Variants in PTPRK observed in about 807,000 individuals in gnomAD.
PTPRK encodes the protein receptor-type tyrosine-protein phosphatase kappa.
Under a neutral mutation model 178.0 loss-of-function variants are expected in PTPRK, and 75 were observed. The ratio of observed to expected loss-of-function variants is 0.42; its 90% CI spans 0.35 to 0.51. The LOEUF is 0.51. Among genes scored for constraint, PTPRK ranks in the 20% least tolerant of loss-of-function variants. The probability of loss-of-function intolerance (pLI) is 0.02; values close to 1 mark genes in which losing one functional copy is unlikely to be tolerated. For missense variants in PTPRK, 1,441 were observed against 1,797.8 expected (o/e 0.80, Z 3.59); for synonymous variants, 637 against 620.6 (o/e 1.03, Z -0.39).
At chr6:128,341,196 G>A (rs1831611935) in intron 2 of PTPRK, among the ~76,000 whole-genome samples, 1 of 151,992 alleles carries the variant, frequency 6.6e-6, no homozygotes, top group Non-Finnish European at 1.5e-5. Context: ...CTTAGCAGAT[G>A]TAACATAAAC....
chr6:128,003,342 T>C, intron 15 of PTPRK: 1 of 1,091,504 alleles, frequency 9.2e-7, no homozygotes, highest in Admixed American at 2.2e-5. Flanking sequence ...ATTATTAAAC[T>C]TTCTCAGATT....
At chr6:128,031,760 T>C (rs1775374813) in intron 13 of PTPRK, among the ~76,000 whole-genome samples, 1 of 152,188 alleles carries the variant, frequency 6.6e-6, no homozygotes, top group African/African-American at 2.4e-5. Flanking sequence ...AATTTGTAGA[T>C]CTTGAACTAA....
chr6:128,278,157 TTA>T (rs1821063359), intron 3 of PTPRK, among the ~76,000 whole-genome samples: 1 of 150,514 alleles, frequency 6.6e-6, no homozygotes, highest in Admixed American at 6.6e-5. Context: ...ATTTATTTAT[TTA>T]TTTATTTATT....
At chr6:128,105,664 A>G (rs1789604982) in intron 7 of PTPRK, among the ~76,000 whole-genome samples, 1 of 152,218 alleles carries the variant, frequency 6.6e-6, no homozygotes, top group African/African-American at 2.4e-5. Flanking sequence ...TGATATTCCC[A>G]TTTAAAAATC....
intron 4 of PTPRK, chr6:128,241,235 G>A (rs1394027218): frequency 1.9e-6 from 1 of 533,312 alleles, no homozygotes; most frequent in Admixed American, 1.9e-5. Context: ...CTCAGGAAGA[G>A]ATTTAAAATA....
At chr6:128,224,967 T>G (rs116587007) in intron 5 of PTPRK, among the ~76,000 whole-genome samples, 13 of 152,320 alleles carry the variant, frequency 8.5e-5, no homozygotes, top group African/African-American at 3.1e-4. Context: ...CTCTTTGGAC[T>G]TTTTGTTAAA....
chr6:128,103,175 G>C (rs1419348557), intron 7 of PTPRK, among the ~76,000 whole-genome samples: 1 of 152,024 alleles, frequency 6.6e-6, no homozygotes, highest in East Asian at 1.9e-4. Context: ...GCTTGGCTGG[G>C]GAAGGCTGGA....
At chr6:128,282,391 C>T (rs138995817) in intron 3 of PTPRK, among the ~76,000 whole-genome samples, 31 of 152,234 alleles carry the variant, frequency 2.0e-4, no homozygotes, top group Admixed American at 7.9e-4. Flanking sequence ...TTTTAAATAA[C>T]GCTATCAAGA....
At chr6:128,330,028 C>T (rs868254545) in intron 2 of PTPRK, among the ~76,000 whole-genome samples, 18 of 152,156 alleles carry the variant, frequency 1.2e-4, no homozygotes, top group African/African-American at 3.1e-4. Flanking sequence ...AAAGCACCAA[C>T]GCACTGTGCA....
At position 128,009,269 on chromosome 6, in the gene PTPRK, C is replaced by G; in HGVS notation, c.2195-1G>C. On this transcript the variant is annotated splice_acceptor_variant, in intron 13 of 29. Transcript: ENST00000368226. LOFTEE classifies it high-confidence loss of function. ...ACTTCTGGTTCTTCTGTTGCTGCTG[C>G]TAAATGGATAAAAAAAAAAATCAGT... 6.3e-7 allele frequency: 1 copy of G among 1,586,674 alleles called. No homozygotes were observed. Among genetic ancestry groups the G allele is most frequent in the South Asian group, 1.2e-5 (1 of 86,268 alleles).
At chr6:128,114,699 A>C (rs1014853125) in intron 7 of PTPRK, among the ~76,000 whole-genome samples, 2 of 151,324 alleles carry the variant, frequency 1.3e-5, no homozygotes, top group African/African-American at 4.9e-5. Context: ...CCAAGAACTA[A>C]TCACCTCCCA....
intron 12 of PTPRK, 66 bp downstream of exon 12, chr6:128,067,453 A>C: frequency 7.2e-7 from 1 of 1,397,418 alleles, no homozygotes; most frequent in Non-Finnish European, 9.5e-7. Context: ...GCTACTGAGT[A>C]TTCATAAAAT....
chr6:127,970,641 G>C (rs1237859046), intron 29 of PTPRK, among the ~76,000 whole-genome samples: 1 of 151,918 alleles, frequency 6.6e-6, no homozygotes, highest in Non-Finnish European at 1.5e-5. Context: ...ATGAGAAAAA[G>C]AGCTATAATT....
At chr6:128,506,060 A>T (rs527964448) in intron 1 of PTPRK, among the ~76,000 whole-genome samples, 25 of 152,362 alleles carry the variant, frequency 1.6e-4, no homozygotes, top group African/African-American at 6.0e-4. Context: ...AAGCCAGTGC[A>T]TTTGTTTAGC....
At chr6:128,221,663 C>T (rs1810443771) in intron 5 of PTPRK, among the ~76,000 whole-genome samples, 1 of 151,918 alleles carries the variant, frequency 6.6e-6, no homozygotes, top group Admixed American at 6.6e-5. Flanking sequence ...CATATGCATA[C>T]AAAAATACCT....
At chr6:128,156,305 C>T (rs907042717) in intron 7 of PTPRK, among the ~76,000 whole-genome samples, 2 of 151,806 alleles carry the variant, frequency 1.3e-5, no homozygotes, top group African/African-American at 4.8e-5. Context: ...AGGTATTTGT[C>T]CATTCTCACA....
intron 10 of PTPRK, among the ~76,000 whole-genome samples, chr6:128,079,427 C>A (rs1268728256): frequency 6.6e-6 from 1 of 151,794 alleles, no homozygotes; most frequent in Non-Finnish European, 1.5e-5. Context: ...GAGAAACATA[C>A]CAAGAAGTGT....
intron 13 of PTPRK, among the ~76,000 whole-genome samples, chr6:128,024,477 T>C (rs1773984727): frequency 6.6e-6 from 1 of 152,186 alleles, no homozygotes; most frequent in South Asian, 2.1e-4. Context: ...TAGCACTAAG[T>C]ATGAAAATTA....
intron 2 of PTPRK, among the ~76,000 whole-genome samples, chr6:128,351,655 T>C (rs1395806542): frequency 1.3e-5 from 2 of 152,140 alleles, no homozygotes; most frequent in Admixed American, 6.5e-5. Flanking sequence ...GCAAAAACTT[T>C]CAAACATTTT....
Sources: gnomAD v4.1 joint callset for allele counts (sites outside exome capture counted in the v4.1 genomes callset) on GRCh38, gnomAD v4.1.1 for gene constraint, MANE v1.5 for transcripts, NCBI Gene and HGNC (gene_info 2026-07-23, HGNC 2026-07-21) for gene names.